The following MET variants were observed in gnomAD, a reference collection of about 807,000 sequenced individuals.
MET encodes hepatocyte growth factor receptor.
Under a neutral mutation model 133.1 loss-of-function variants are expected in MET, and 48 were observed. That is an observed-to-expected ratio of 0.36 (90% confidence interval 0.29 to 0.46). The LOEUF (loss-of-function observed/expected upper bound fraction) is 0.46. MET is among the 20% of genes least tolerant of loss of function. MET has a pLI of 1.00. For synonymous variants in MET, 628 were observed against 616.5 expected (o/e 1.02, Z -0.28); for missense variants, 1,442 against 1,695.9 (o/e 0.85, Z 2.63).
intron 11 of MET, among the ~76,000 whole-genome samples, chr7:116,767,135 G>A (rs1794654592): frequency 6.6e-6 from 1 of 152,134 alleles, no homozygotes; most frequent in Non-Finnish European, 1.5e-5. Context: ...GACCCAGCCT[G>A]TGGCCACCTG....
chr7:116,758,436 CTTCCTTAATTTTTTTTG>C lies in MET; in HGVS notation c.2103-19_2103-3del. On this transcript the variant is annotated splice_region_variant and splice_polypyrimidine_tract_variant and intron_variant, in intron 8 of 20. Coordinates refer to ENST00000397752, the MANE Select transcript of MET (RefSeq NM_000245.4). ...GTGTATCTCTAATAGCTAAAATTCA[CTTCCTTAATTTTTTTTG>C]TTCAGTGTGTCAAACAGTATTCTTG... 1 of 1,608,016 alleles carries C rather than the reference CTTCCTTAATTTTTTTTG, an allele frequency of 6.2e-7. No homozygotes were observed. Among genetic ancestry groups the C allele is most frequent in the Non-Finnish European group, 8.5e-7 (1 of 1,174,808 alleles).
chr7:116,686,754 C>CT (rs1796574072), intron 1 of MET, among the ~76,000 whole-genome samples: 1 of 152,154 alleles, frequency 6.6e-6, no homozygotes, highest in Non-Finnish European at 1.5e-5. Context: ...AATCTTATAC[C>CT]TTTTTCCACT....
Position 116,797,122 on chromosome 7 carries a change from T to C in MET, c.*998T>C, listed in dbSNP as rs1251972255. ...CATATAAAAACCCACTGTTTGAGAATGATGCTACTCTGATCTAATGAATGT... is the reference window on the plus strand; with the variant it reads ...CATATAAAAACCCACTGTTTGAGAACGATGCTACTCTGATCTAATGAATGT... On this transcript the variant is annotated 3_prime_UTR_variant, in exon 21 of 21. Coordinates refer to ENST00000397752, the MANE Select transcript of MET (RefSeq NM_000245.4). The C allele has an allele frequency of 5.1e-6, 1 of 197,560 alleles. No homozygotes were observed. The highest frequency in any genetic ancestry group is 7.9e-5 in the East Asian group (1 of 12,606). 12.2% of individuals were successfully genotyped at this position (197,560 alleles called of 1,614,324 possible).
intron 1 of MET, among the ~76,000 whole-genome samples, chr7:116,678,900 C>A (rs111863186): frequency 1.3e-5 from 2 of 152,064 alleles, no homozygotes; most frequent in African/African-American, 4.8e-5. Flanking sequence ...TTGTGTAAGG[C>A]CTTTTTGTTC....
At position 116,798,281 on chromosome 7, in the gene MET, A is replaced by G. The variant is rs1368661115; in HGVS notation, c.*2157A>G. ...AGTAAGTGATTCTTCTAAGAATTAG[A>G]TACTTGTCACTGCCTATACCTGCAG... On this transcript the variant is annotated 3_prime_UTR_variant, in exon 21 of 21. Coordinates refer to ENST00000397752, the MANE Select transcript of MET (RefSeq NM_000245.4). 4.9e-6 allele frequency: 1 copy of G among 205,560 alleles called. No individual in the cohort carries two copies. The highest frequency in any genetic ancestry group is 1.0e-5 in the Non-Finnish European group (1 of 100,134). 12.7% of individuals were successfully genotyped at this position (205,560 alleles called of 1,614,324 possible).
At chr7:116,763,873 T>TA (rs1355280937) in intron 11 of MET, among the ~76,000 whole-genome samples, 9 of 152,210 alleles carry the variant, frequency 5.9e-5, no homozygotes, top group African/African-American at 1.9e-4. Context: ...AGTGGCAGAA[T>TA]AATAAAGACT....
At chr7:116,751,022 C>T (rs1034212276) in intron 5 of MET, among the ~76,000 whole-genome samples, 16 of 152,118 alleles carry the variant, frequency 1.1e-4, no homozygotes, top group Admixed American at 1.0e-3. Flanking sequence ...GGCGATTCCT[C>T]AAGGATCTAG....
At chr7:116,675,958 G>T (rs926438171) in intron 1 of MET, among the ~76,000 whole-genome samples, 1 of 151,958 alleles carries the variant, frequency 6.6e-6, no homozygotes, top group Non-Finnish European at 1.5e-5. Context: ...AGTATATTCC[G>T]CTTGGGATTT....
intron 14 of MET, 48 bp downstream of exon 14, chr7:116,772,037 G>A (rs1181329720): frequency 6.2e-7 from 1 of 1,600,262 alleles, no homozygotes; most frequent in African/African-American, 1.3e-5. Flanking sequence ...ATATACCTCA[G>A]TGGGTTGTGA....
intron 1 of MET, among the ~76,000 whole-genome samples, chr7:116,691,876 G>A (rs975013793): frequency 1.3e-5 from 2 of 152,166 alleles, no homozygotes; most frequent in Non-Finnish European, 2.9e-5. Context: ...TCGTTGAAAG[G>A]CCAGCCTGGT....
rs926365001 is a variant in MET, at chr7:116,795,726, T to C, written c.3870T>C (p.Phe1290=). The change falls in exon 20 of 21, where the codon TTT becomes TTC. Residue 1290 remains phenylalanine (F), a synonymous_variant. Transcript: ENST00000397752. ...CACCTTATCCTGACGTAAACACCTT[T>C]GATATAACTGTTTACTTGTTGCAAG... The part of the protein sequence containing the change: ...GAPPYPDVNT[F]DITVYLLQGR... 2 of 1,614,054 alleles carry C rather than the reference T, an allele frequency of 1.2e-6. No individual in the cohort carries two copies. The highest frequency in any genetic ancestry group is 1.7e-6 in the Non-Finnish European group (2 of 1,180,036).
chr7:116,754,346 C>G (rs764718816), intron 5 of MET, among the ~76,000 whole-genome samples: 10 of 152,154 alleles, frequency 6.6e-5, no homozygotes, highest in Admixed American at 5.9e-4. Context: ...GCAGCCAGTG[C>G]ACAGAGCAAG....
At chr7:116,756,598 C>T (rs1467807406) in intron 6 of MET, among the ~76,000 whole-genome samples, 1 of 152,080 alleles carries the variant, frequency 6.6e-6, no homozygotes, top group African/African-American at 2.4e-5. Flanking sequence ...TTTAATAAAT[C>T]AAATTGTATT....
At chr7:116,682,722 A>G (rs1796407767) in intron 1 of MET, among the ~76,000 whole-genome samples, 1 of 152,152 alleles carries the variant, frequency 6.6e-6, no homozygotes, top group African/African-American at 2.4e-5. Context: ...CATTTTGCCC[A>G]ATTCATAGCA....
intron 3 of MET, among the ~76,000 whole-genome samples, chr7:116,735,201 C>T (rs1793167477): frequency 6.6e-6 from 1 of 152,206 alleles, no homozygotes; most frequent in Admixed American, 6.5e-5. Context: ...TGGTTCCATC[C>T]TAGCTCTTCC....
chr7:116,758,023 T>A (rs1794256148), intron 8 of MET, among the ~76,000 whole-genome samples: 1 of 152,182 alleles, frequency 6.6e-6, no homozygotes, highest in Non-Finnish European at 1.5e-5. Flanking sequence ...TCTTTATTGT[T>A]ATAGCTTAGG....
At chr7:116,693,151 A>G (rs572519162) in intron 1 of MET, among the ~76,000 whole-genome samples, 70 of 152,364 alleles carry the variant, frequency 4.6e-4, no homozygotes, top group African/African-American at 1.6e-3. Flanking sequence ...TGCCAAGTCA[A>G]TGGCATTGGT....
chr7:116,699,551 C>T lies in MET; in HGVS notation c.467C>T (p.Ser156Leu), dbSNP rs56311081. The T allele has an allele frequency of 2.3e-4, 369 of 1,613,974 alleles. No homozygotes were observed. Among genetic ancestry groups the T allele is most frequent in the African/African-American group, 1.5e-3 (112 of 75,030 alleles). ...FPHNHTADIQ[S>L]EVHCIFSPQI... The stretch of plus-strand genomic sequence containing the variant: ...CACAATCATACTGCTGACATACAGT[C>T]GGAGGTTCACTGCATATTCTCCCCA... Residue 156 changes from serine to leucine, a missense_variant, in exon 2 of 21, where the codon TCG becomes TTG. This residue lies in a region of MET where 762 missense variants were observed against 792.4 expected (regional missense o/e 0.96). Transcript: ENST00000397752.
rs1361155132 is a variant in MET at position 116,771,569 on chromosome 7, G to C, written c.2802G>C (p.Leu934Phe). ...AACCAGATCAGAATTTCACAGGATT[G>C]ATTGCTGGTGTTGTCTCAATATCAA... ...IVQPDQNFTG[L>F]IAGVVSISTA... The change falls in exon 13 of 21, where the codon TTG becomes TTC. Residue 934 changes from leucine to phenylalanine, a missense_variant. By Grantham distance (22) the Leu-to-Phe change is conservative (BLOSUM62 0). Transcript: ENST00000397752. 7.4e-6 allele frequency: 12 copies of C among 1,613,796 alleles called. No homozygotes were observed. Among genetic ancestry groups the C allele is most frequent in the Non-Finnish European group, 1.0e-5 (12 of 1,179,834 alleles).
Sources: gnomAD v4.1 joint callset for allele counts (sites outside exome capture counted in the v4.1 genomes callset) on GRCh38, gnomAD v4.1.1 for gene constraint, gnomAD v4.1.1 regional missense constraint, MANE v1.5 for transcripts, NCBI Gene and HGNC (gene_info 2026-07-23, HGNC 2026-07-21) for gene names.